The following PLXNA4 variants were observed in gnomAD, a reference collection of about 807,000 sequenced individuals.
PLXNA4 encodes the protein plexin-A4.
A neutral mutation model predicts 191.8 loss-of-function variants in PLXNA4; 44 were observed. The ratio of observed to expected loss-of-function variants is 0.23; its 90% CI spans 0.18 to 0.29. The LOEUF (loss-of-function observed/expected upper bound fraction) is 0.29, where lower values mean the gene tolerates loss of function less well. Ranked by LOEUF, PLXNA4 falls within the 10% of genes least tolerant of loss-of-function variation. The pLI is 1.00. For missense variants in PLXNA4, 1,800 were observed against 2,488.8 expected (o/e 0.72, Z 5.89); for synonymous variants, 1,082 against 1,009.5 (o/e 1.07, Z -1.36).
chr7:132,633,845 G>C (rs558885677), intron 2 of PLXNA4, among the ~76,000 whole-genome samples: 29 of 151,802 alleles, frequency 1.9e-4, no homozygotes, highest in African/African-American at 6.3e-4. Context: ...CCTGTGATTC[G>C]CCTCCTCCCA....
Position 132,127,972 on chromosome 7 carries a change from A to AT in PLXNA4, c.*2506dup, listed in dbSNP as rs530895972. 23 of 81,956 alleles carry AT rather than the reference A, an allele frequency of 2.8e-4. No homozygotes were observed. Among genetic ancestry groups the AT allele is most frequent in the South Asian group, 1.1e-3 (3 of 2,610 alleles). 5.1% of individuals were successfully genotyped at this position (81,956 alleles called of 1,614,324 possible). On this transcript the variant is annotated 3_prime_UTR_variant, in exon 32 of 32. Coordinates refer to ENST00000321063, the MANE Select transcript of PLXNA4 (RefSeq NM_020911.2). Reference sequence around the variant, plus strand: ...TTTCTTTTTTTTTTCTGCTTGTTTGATTTTTTCTCTTAACTGTGCAAAAAA... The same window carrying AT: ...TTTCTTTTTTTTTTCTGCTTGTTTGATTTTTTTCTCTTAACTGTGCAAAAAA...
chr7:132,231,079 A>G (rs74890963), intron 5 of PLXNA4, among the ~76,000 whole-genome samples: 1 of 152,314 alleles, frequency 6.6e-6, no homozygotes, highest in East Asian at 1.9e-4. Context: ...ACTACTCATC[A>G]TCTTCCCCCA....
At chr7:132,227,415 A>G in intron 7 of PLXNA4, 36 bp downstream of exon 7, 1 of 1,613,470 alleles carries the variant, frequency 6.2e-7, no homozygotes, top group Non-Finnish European at 8.5e-7. Context: ...GCCAGGAGGA[A>G]GAAGTGCCAC....
chr7:132,133,544 C>CT (rs1795029133), intron 30 of PLXNA4, among the ~76,000 whole-genome samples: 1 of 152,116 alleles, frequency 6.6e-6, no homozygotes, highest in East Asian at 1.9e-4. Context: ...TTGAGTTTCT[C>CT]TAACGCCCCT....
intron 14 of PLXNA4, among the ~76,000 whole-genome samples, chr7:132,188,597 A>G (rs1796956984): frequency 6.6e-6 from 1 of 152,046 alleles, no homozygotes; most frequent in Admixed American, 6.6e-5. Context: ...AGACACGCAG[A>G]CCACAGCTCC....
At chr7:132,544,517 C>A (rs1324028890) in intron 1 of PLXNA4, among the ~76,000 whole-genome samples, 1 of 152,158 alleles carries the variant, frequency 6.6e-6, no homozygotes, top group East Asian at 1.9e-4. Context: ...AAAGAAGGAG[C>A]ACACAGAAAT....
chr7:132,401,175 C>T (rs1793968565), intron 3 of PLXNA4, among the ~76,000 whole-genome samples: 1 of 152,138 alleles, frequency 6.6e-6, no homozygotes. Context: ...GTGGGTTGTA[C>T]CAGTCAATTT....
chr7:132,176,604 G>GTGTGTATGAC (rs11282526), intron 20 of PLXNA4, among the ~76,000 whole-genome samples: 92,758 of 149,080 alleles, frequency 0.62, 28,907 homozygotes, highest in South Asian at 0.84. Context: ...ATGTCAGGGA[G>GTGTGTATGAC]TGTGTATGAC....
intron 1 of PLXNA4, among the ~76,000 whole-genome samples, chr7:132,542,064 A>G (rs1800110093): frequency 1.3e-5 from 2 of 152,324 alleles, no homozygotes; most frequent in Middle Eastern, 6.8e-3. Context: ...CATGACAGGT[A>G]AAATACTAGA....
chr7:132,462,875 G>A (rs1313086700), intron 3 of PLXNA4, among the ~76,000 whole-genome samples: 2 of 103,216 alleles, frequency 1.9e-5, no homozygotes, highest in Non-Finnish European at 3.8e-5. Flanking sequence ...GGGGGACCGA[G>A]TTTTGCTCTT....
chr7:132,466,711 G>A (rs922149610), intron 3 of PLXNA4, among the ~76,000 whole-genome samples: 2 of 152,076 alleles, frequency 1.3e-5, no homozygotes, highest in African/African-American at 4.8e-5. Context: ...CCTCCCTCGG[G>A]GGCAGTCTCT....
chr7:132,406,841 T>C (rs188890729), intron 3 of PLXNA4, among the ~76,000 whole-genome samples: 16 of 152,260 alleles, frequency 1.1e-4, no homozygotes, highest in Admixed American at 2.6e-4. Context: ...CGAATGTCCT[T>C]GTGCTTCCCC....
At chr7:132,347,889 G>A (rs549046967) in intron 3 of PLXNA4, among the ~76,000 whole-genome samples, 16 of 152,136 alleles carry the variant, frequency 1.1e-4, no homozygotes, top group Non-Finnish European at 1.9e-4. Context: ...TGCTACCAGC[G>A]TGTTCATTGT....
intron 3 of PLXNA4, among the ~76,000 whole-genome samples, chr7:132,407,291 A>T (rs1381456160): frequency 6.6e-6 from 1 of 152,148 alleles, no homozygotes; most frequent in East Asian, 1.9e-4. Context: ...AGATGGACTG[A>T]TGTGGATCAT....
At chr7:132,325,038 C>T (rs186369263) in intron 3 of PLXNA4, among the ~76,000 whole-genome samples, 17 of 152,282 alleles carry the variant, frequency 1.1e-4, no homozygotes, top group Non-Finnish European at 2.2e-4. Context: ...TTTCACAACA[C>T]TCCTGTAACG....
At chr7:132,576,485 T>C (rs889482773), upstream of PLXNA4, 1 of 985,138 alleles carries the variant, frequency 1.0e-6, no homozygotes, top group African/African-American at 1.8e-5. This position sits in a 1 kb window ranked among gnomAD's most constrained non-coding sequence, Gnocchi z 5.8. Flanking sequence ...ATGGAGCCTA[T>C]GCCGCTGCCT....
intron 3 of PLXNA4, among the ~76,000 whole-genome samples, chr7:132,346,769 CAT>C (rs1803260367): frequency 6.6e-6 from 1 of 152,232 alleles, no homozygotes; most frequent in Admixed American, 6.5e-5. Flanking sequence ...AGAATTTACA[CAT>C]ACACACACAC....
At chr7:132,250,247 C>T (rs139478374) in intron 4 of PLXNA4, among the ~76,000 whole-genome samples, 7 of 152,292 alleles carry the variant, frequency 4.6e-5, no homozygotes, top group South Asian at 2.1e-4. Flanking sequence ...CCTCTGCCTC[C>T]GATAAAATGC....
intron 3 of PLXNA4, chr7:132,384,137 AT>A: frequency 7.1e-6 from 7 of 985,342 alleles, no homozygotes; most frequent in Non-Finnish European, 7.2e-6. Flanking sequence ...CTCCTGATTC[AT>A]TCCCTCCCAC....
Sources: gnomAD v4.1 joint callset for allele counts (sites outside exome capture counted in the v4.1 genomes callset) on GRCh38, gnomAD v4.1.1 for gene constraint, Gnocchi (gnomAD v3.1) non-coding constraint, MANE v1.5 for transcripts, NCBI Gene and HGNC (gene_info 2026-07-23, HGNC 2026-07-21) for gene names.